Variants in ATP13A4 observed in about 807,000 individuals in gnomAD.
The protein encoded by ATP13A4 is ATPase 13A4.
Under a neutral mutation model 142.5 loss-of-function variants are expected in ATP13A4, and 114 were observed. The observed-to-expected ratio is 0.80, with a 90% CI of 0.69 to 0.93. The LOEUF is 0.93. Ranked by LOEUF, ATP13A4 falls within the 40% of genes least tolerant of loss-of-function variation. ATP13A4 has a pLI of 0.00. For synonymous variants in ATP13A4, 488 were observed against 514.8 expected, an observed-to-expected ratio of 0.95 and a Z score of 0.70; for missense variants, 1,392 against 1,454.0, an observed-to-expected ratio of 0.96 and a Z score of 0.69.
chr3:193,561,454 A>T (rs1420149784), intron 2 of ATP13A4, among the ~76,000 whole-genome samples: 2 of 152,134 alleles, frequency 1.3e-5, no homozygotes, highest in African/African-American at 4.8e-5. Flanking sequence ...TGCTCCACAA[A>T]AGGGAGGAGA....
chr3:193,590,807 T>G (rs920293576), intron 1 of ATP13A4, among the ~76,000 whole-genome samples: 1 of 152,178 alleles, frequency 6.6e-6, no homozygotes, highest in Admixed American at 6.5e-5. Context: ...CCTCTTAATT[T>G]TTACTAAGAA....
chr3:193,525,173 A>G (rs1019753639), intron 1 of ATP13A4, among the ~76,000 whole-genome samples: 1 of 152,230 alleles, frequency 6.6e-6, no homozygotes, highest in Non-Finnish European at 1.5e-5. Flanking sequence ...GGAAGAATAT[A>G]AGAATATTAA....
At chr3:193,552,764 C>T (rs1381338045) in intron 1 of ATP13A4, among the ~76,000 whole-genome samples, 1 of 152,162 alleles carries the variant, frequency 6.6e-6, no homozygotes, top group Non-Finnish European at 1.5e-5. Context: ...GCCTCAGCTC[C>T]TGGACTTACT....
At chr3:193,410,836 G>A in intron 28 of ATP13A4, 146 bp downstream of exon 28, 1 of 615,294 alleles carries the variant, frequency 1.6e-6, no homozygotes, top group Non-Finnish European at 2.9e-6. Context: ...AAAAAATATA[G>A]ATAAATTTAG....
chr3:193,409,686 T>C (rs1158058004), intron 28 of ATP13A4, among the ~76,000 whole-genome samples: 1 of 152,238 alleles, frequency 6.6e-6, no homozygotes, highest in African/African-American at 2.4e-5. Context: ...CACAGTGATG[T>C]AGTTACAAAA....
chr3:193,474,055 C>T (rs564800746), intron 8 of ATP13A4, among the ~76,000 whole-genome samples: 54 of 152,158 alleles, frequency 3.5e-4, no homozygotes, highest in African/African-American at 1.3e-3. Context: ...CGCGGTGGCT[C>T]ACACCTGTAA....
chr3:193,456,770 C>T (rs148054790), intron 16 of ATP13A4, among the ~76,000 whole-genome samples: 133 of 151,952 alleles, frequency 8.8e-4, no homozygotes, highest in Admixed American at 2.2e-3. Flanking sequence ...AGAGATGACA[C>T]GTAAATGGGG....
Position 193,399,984 on chromosome 3 carries a change from C to T in ATP13A4, c.*2668G>A, listed in dbSNP as rs141260784. 8.5e-5 allele frequency among the ~76,000 whole-genome samples: 13 copies of T among 152,206 alleles called. No individual in the cohort carries two copies. In the East Asian group the frequency reaches 2.5e-3, roughly 29 times the overall value. On this transcript the variant is annotated 3_prime_UTR_variant, in exon 30 of 30. Coordinates refer to ENST00000342695, the MANE Select transcript of ATP13A4 (RefSeq NM_032279.4). ...CCTTCTCTACTTGGCCCTTGAATAGCCACTTGTTCCTCCAATGTCCTAGAG... is the reference window on the plus strand; with the variant it reads ...CCTTCTCTACTTGGCCCTTGAATAGTCACTTGTTCCTCCAATGTCCTAGAG...
chr3:193,459,716 G>A (rs1219089703), intron 13 of ATP13A4, among the ~76,000 whole-genome samples: 1 of 152,202 alleles, frequency 6.6e-6, no homozygotes, highest in Non-Finnish European at 1.5e-5. Context: ...TGGGATTACA[G>A]GCGTGAGCCA....
At chr3:193,414,529 T>C in intron 26 of ATP13A4, 50 bp downstream of exon 26, 1 of 1,600,950 alleles carries the variant, frequency 6.2e-7, no homozygotes, top group Non-Finnish European at 8.6e-7. Context: ...CCAGAGGATG[T>C]TTGATAGAAA....
rs771845704 is a variant in ATP13A4 at position 193,470,988 on chromosome 3, C to T, written c.814G>A (p.Val272Ile). ...AGGACGCGTGATTCCAGCTCTTGAA[C>T]TCCAGCTGAAAGTGGGAGGAGACAG... ...TVSVCGRKAGVQELESRVLVP... is the reference protein window; with the variant it reads ...TVSVCGRKAGIQELESRVLVP... Residue 272 changes from valine to isoleucine, a missense_variant, in exon 9 of 30, where the codon GTT becomes ATT. Coordinates refer to ENST00000342695, the MANE Select transcript of ATP13A4 (RefSeq NM_032279.4). 2 of 1,614,170 alleles carry T rather than the reference C, an allele frequency of 1.2e-6. No individual in the cohort carries two copies. The highest frequency in any genetic ancestry group is 2.2e-5 in the East Asian group (1 of 44,880).
intron 1 of ATP13A4, among the ~76,000 whole-genome samples, chr3:193,549,345 C>T (rs932999686): frequency 3.3e-5 from 5 of 150,622 alleles, no homozygotes; most frequent in African/African-American, 1.2e-4. Context: ...ACACAGGAAA[C>T]CTGCTAATAC....
intron 1 of ATP13A4, among the ~76,000 whole-genome samples, chr3:193,582,149 CTTTT>C (rs61610633): frequency 7.2e-5 from 9 of 124,428 alleles, no homozygotes; most frequent in African/African-American, 1.7e-4. Context: ...CTTTTCTTTT[CTTTT>C]TTTTTTTTTT....
At chr3:193,484,273 G>T (rs1719475599) in intron 7 of ATP13A4, among the ~76,000 whole-genome samples, 1 of 151,506 alleles carries the variant, frequency 6.6e-6, no homozygotes. Context: ...TTTTGACACT[G>T]AACTCCAGCC....
At chr3:193,468,294 G>A (rs564146720) in intron 9 of ATP13A4, among the ~76,000 whole-genome samples, 37 of 152,356 alleles carry the variant, frequency 2.4e-4, no homozygotes, top group Admixed American at 6.5e-4. Flanking sequence ...ATAAGAGAGA[G>A]CACTCTGTCC....
chr3:193,573,059 A>G (rs1221657924), intron 2 of ATP13A4, among the ~76,000 whole-genome samples: 1 of 145,396 alleles, frequency 6.9e-6, no homozygotes, highest in Non-Finnish European at 1.5e-5. Context: ...GGGGGAGGGG[A>G]GTAAGGGCTG....
At chr3:193,573,153 T>C (rs1205332584) in intron 2 of ATP13A4, among the ~76,000 whole-genome samples, 1 of 150,228 alleles carries the variant, frequency 6.7e-6, no homozygotes, top group Non-Finnish European at 1.5e-5. Flanking sequence ...CATGATATAA[T>C]GTTTAGCAAA....
At chr3:193,468,639 C>T (rs928672506) in intron 9 of ATP13A4, among the ~76,000 whole-genome samples, 3 of 152,146 alleles carry the variant, frequency 2.0e-5, no homozygotes, top group Admixed American at 6.5e-5. Flanking sequence ...CCCAGCTACT[C>T]TGGAGGCTGA....
intron 1 of ATP13A4, among the ~76,000 whole-genome samples, chr3:193,522,973 GT>G (rs1239826405): frequency 6.6e-6 from 1 of 152,198 alleles, no homozygotes; most frequent in Non-Finnish European, 1.5e-5. Flanking sequence ...CCCTTGGAAT[GT>G]TCTGAATAAC....
Sources: gnomAD v4.1 joint callset for allele counts (sites outside exome capture counted in the v4.1 genomes callset) on GRCh38, gnomAD v4.1.1 for gene constraint, MANE v1.5 for transcripts, NCBI Gene and HGNC (gene_info 2026-07-23, HGNC 2026-07-21) for gene names.